The following CACNA2D3 variants were observed in gnomAD, a reference collection of about 807,000 sequenced individuals.
The protein encoded by CACNA2D3 is voltage-dependent calcium channel subunit alpha-2/delta-3.
In CACNA2D3, 60 loss-of-function variants were observed where a neutral mutation model predicts 160.6. That is an observed-to-expected ratio of 0.37 (90% CI 0.30 to 0.46). The LOEUF (loss-of-function observed/expected upper bound fraction) is 0.46, where lower values mean the gene tolerates loss of function less well. Ranked by LOEUF, CACNA2D3 falls within the 20% of genes least tolerant of loss-of-function variation. CACNA2D3 has a pLI of 1.00. For missense variants in CACNA2D3, 1,205 were observed against 1,365.0 expected, an observed-to-expected ratio of 0.88 and a Z score of 1.85; for synonymous variants, 558 against 492.9, an observed-to-expected ratio of 1.13 and a Z score of -1.75.
intron 9 of CACNA2D3, among the ~76,000 whole-genome samples, chr3:54,591,464 G>A (rs1702857206): frequency 6.6e-6 from 1 of 151,958 alleles, no homozygotes; most frequent in Non-Finnish European, 1.5e-5. Context: ...AATGCTCTGG[G>A]CAACCATGCC....
In CACNA2D3 at chr3:54,570,045, C is replaced by A; in HGVS notation, c.829C>A (p.Gln277Lys). The A allele has an allele frequency of 6.2e-7, 1 of 1,613,934 alleles. No individual in the cohort carries two copies. The highest frequency in any genetic ancestry group is 8.5e-7 in the Non-Finnish European group (1 of 1,179,804). The change falls in exon 8 of 38, where the codon CAA becomes AAA. Residue 277 changes from glutamine to lysine, a missense_variant. Around this residue, in one of 3 missense-constraint regions of CACNA2D3, gnomAD observed 131 missense variants for 201.5 expected, o/e 0.65. Coordinates refer to ENST00000474759, the MANE Select transcript of CACNA2D3 (RefSeq NM_018398.3). ...MKGLRLTIAK[Q>K]TVSSILDTLG... Reference sequence around the variant, plus strand: ...AGGACTCCGTCTGACTATCGCGAAGCAAACAGTCTCATCCATTTTGGATAC... The same window carrying A: ...AGGACTCCGTCTGACTATCGCGAAGAAAACAGTCTCATCCATTTTGGATAC...
intron 2 of CACNA2D3, among the ~76,000 whole-genome samples, chr3:54,261,069 C>T (rs558660615): frequency 1.2e-4 from 19 of 152,248 alleles, no homozygotes; most frequent in East Asian, 1.2e-3. Context: ...TATGTCCTGG[C>T]GCATAGTAGA....
Position 55,010,155 on chromosome 3 carries a change from A to G in CACNA2D3, c.2875+712A>G, listed in dbSNP as rs568153038. Among the ~76,000 whole-genome samples, 16 of 152,292 alleles carry G rather than the reference A, an allele frequency of 1.1e-4. No homozygotes were observed. The Middle Eastern group carries it at 0.01, about 97-fold the overall frequency. On this transcript the variant is annotated intron_variant, in intron 34 of 37. Transcript: ENST00000474759. ...CCTCAAAAAATAGTAGCAATACTGC[A>G]TGTTCTCATGTATAAGTAAGGTAAA...
intron 27 of CACNA2D3, among the ~76,000 whole-genome samples, chr3:54,905,489 C>A (rs1341281149): frequency 6.6e-6 from 1 of 152,146 alleles, no homozygotes; most frequent in Non-Finnish European, 1.5e-5. Flanking sequence ...TAGGAGTTAA[C>A]TAGTATGTCA....
chr3:54,507,649 G>A (rs1310316002), intron 5 of CACNA2D3, among the ~76,000 whole-genome samples: 1 of 152,160 alleles, frequency 6.6e-6, no homozygotes, highest in Non-Finnish European at 1.5e-5. Context: ...CTTTTTGAGA[G>A]GAGACTGGGT....
chr3:54,652,742 T>C (rs1699796731), intron 11 of CACNA2D3, among the ~76,000 whole-genome samples: 1 of 148,844 alleles, frequency 6.7e-6, no homozygotes, highest in Admixed American at 6.7e-5. Flanking sequence ...CAGTGAGATG[T>C]TGGGATGTGA....
At chr3:54,809,570 G>T (rs903180167) in intron 13 of CACNA2D3, among the ~76,000 whole-genome samples, 3 of 139,032 alleles carry the variant, frequency 2.2e-5, no homozygotes, top group Non-Finnish European at 4.5e-5. Flanking sequence ...CACCCGCCTC[G>T]GCCTCCCAAA....
chr3:54,465,563 G>A lies in CACNA2D3; in HGVS notation c.382-37929G>A, dbSNP rs566909061. On this transcript the variant is annotated intron_variant, in intron 4 of 37. Coordinates refer to ENST00000474759, the MANE Select transcript of CACNA2D3 (RefSeq NM_018398.3). ...TCTCTGTGGATAAGAGTGGTCTACTGTACTCTTGGTTTATGTTCTGGGAGG... is the reference window on the plus strand; with the variant it reads ...TCTCTGTGGATAAGAGTGGTCTACTATACTCTTGGTTTATGTTCTGGGAGG... Among the ~76,000 whole-genome samples the A allele has an allele frequency of 6.6e-5, 10 of 152,222 alleles. 1 individual carries two copies. The South Asian group carries it at 1.2e-3, about 19-fold the overall frequency.
intron 11 of CACNA2D3, among the ~76,000 whole-genome samples, chr3:54,724,238 C>A (rs1222200843): frequency 6.6e-6 from 1 of 152,138 alleles, no homozygotes; most frequent in African/African-American, 2.4e-5. Context: ...TATATATACA[C>A]CCAATACAGG....
Position 54,920,768 on chromosome 3 carries a change from C to T in CACNA2D3, c.2449+20900C>T, listed in dbSNP as rs71308050. On this transcript the variant is annotated intron_variant, in intron 27 of 37. Transcript: ENST00000474759. ...GAGACTTCTATCAGGGGAAGCAAGA[C>T]CACCTGCCAGGGGGATGGACAGGTT... Among the ~76,000 whole-genome samples the T allele has an allele frequency of 6.7e-3, 1,024 of 152,282 alleles. 10 individuals are homozygous for T. The highest frequency in any genetic ancestry group is 0.011 in the Non-Finnish European group (772 of 68,016).
intron 9 of CACNA2D3, among the ~76,000 whole-genome samples, chr3:54,592,276 C>T (rs541752743): frequency 6.6e-6 from 1 of 152,328 alleles, no homozygotes; most frequent in East Asian, 1.9e-4. Context: ...TGGCCTTGAT[C>T]AAACTGAGTT....
At chr3:54,804,080 G>T (rs1235112232) in intron 13 of CACNA2D3, among the ~76,000 whole-genome samples, 1 of 152,096 alleles carries the variant, frequency 6.6e-6, no homozygotes, top group South Asian at 2.1e-4. Context: ...AGGAACAACT[G>T]GTACCAGCCA....
chr3:54,194,964 T>A (rs1298333995), intron 2 of CACNA2D3, among the ~76,000 whole-genome samples: 1 of 152,226 alleles, frequency 6.6e-6, no homozygotes, highest in Non-Finnish European at 1.5e-5. Context: ...GCCTCCTGCC[T>A]GGCTTTTCTC....
intron 9 of CACNA2D3, among the ~76,000 whole-genome samples, chr3:54,585,927 C>T (rs1384760172): frequency 1.1e-4 from 17 of 152,076 alleles, no homozygotes; most frequent in Non-Finnish European, 2.2e-4. Context: ...TAAAAAAACA[C>T]AAACAAACAT....
At chr3:54,259,659 A>G (rs1298882344) in intron 2 of CACNA2D3, among the ~76,000 whole-genome samples, 4 of 152,224 alleles carry the variant, frequency 2.6e-5, no homozygotes, top group Non-Finnish European at 5.9e-5. Context: ...AAGCACACTT[A>G]TCATGACTGG....
intron 14 of CACNA2D3, among the ~76,000 whole-genome samples, chr3:54,833,779 A>T (rs1703929255): frequency 1.3e-5 from 2 of 151,898 alleles, no homozygotes; most frequent in African/African-American, 4.8e-5. Context: ...TGCAGAAGAG[A>T]GTCTTAATTT....
intron 2 of CACNA2D3, among the ~76,000 whole-genome samples, chr3:54,202,337 C>G (rs748666644): frequency 5.3e-5 from 8 of 152,222 alleles, no homozygotes; most frequent in African/African-American, 1.9e-4. Flanking sequence ...TAAGCCTGTT[C>G]AGGATTCTGT....
intron 2 of CACNA2D3, among the ~76,000 whole-genome samples, chr3:54,286,360 G>A (rs1308786008): frequency 1.3e-5 from 2 of 152,172 alleles, no homozygotes; most frequent in African/African-American, 4.8e-5. Context: ...GAAATGAAGT[G>A]AGAAGGGAAG....
At chr3:55,039,843 A>T (rs1460590573) in intron 35 of CACNA2D3, among the ~76,000 whole-genome samples, 5 of 152,208 alleles carry the variant, frequency 3.3e-5, no homozygotes, top group Admixed American at 1.3e-4. Context: ...ATTTTTGTTT[A>T]GAAAGAGACA....
Sources: gnomAD v4.1 joint callset for allele counts (sites outside exome capture counted in the v4.1 genomes callset) on GRCh38, gnomAD v4.1.1 for gene constraint, gnomAD v4.1.1 regional missense constraint, MANE v1.5 for transcripts, NCBI Gene and HGNC (gene_info 2026-07-23, HGNC 2026-07-21) for gene names.